The following PEX5L variants were observed in gnomAD, a reference collection of about 807,000 sequenced individuals.
PEX5L encodes the protein peroxisomal biogenesis factor 5 like, also known as PEX5-related protein.
Under a neutral mutation model 84.0 loss-of-function variants are expected in PEX5L, and 30 were observed. The ratio of observed to expected loss-of-function variants is 0.36; its 90% CI spans 0.27 to 0.48. The LOEUF (loss-of-function observed/expected upper bound fraction) is 0.48. PEX5L is among the 20% of genes least tolerant of loss of function. The pLI, the probability that PEX5L is intolerant of heterozygous loss-of-function variation, is 0.99. For missense variants in PEX5L, 533 were observed against 754.6 expected, an observed-to-expected ratio of 0.71 and a Z score of 3.44; for synonymous variants, 270 against 283.1, an observed-to-expected ratio of 0.95 and a Z score of 0.46.
intron 1 of PEX5L, chr3:179,973,108 T>TA (rs1785167129): frequency 2.7e-6 from 3 of 1,098,414 alleles, no homozygotes; most frequent in Non-Finnish European, 3.5e-6. Flanking sequence ...AGAGTGTCTC[T>TA]AATGTAAAAC....
At chr3:179,829,772 CTTTTT>C (rs55899128) in intron 8 of PEX5L, among the ~76,000 whole-genome samples, 16 of 120,942 alleles carry the variant, frequency 1.3e-4, no homozygotes, top group African/African-American at 4.1e-4. Context: ...CTTGCTATAT[CTTTTT>C]TTTTTTTTTT....
intron 7 of PEX5L, among the ~76,000 whole-genome samples, chr3:179,860,175 A>G (rs1745528479): frequency 6.6e-6 from 1 of 152,132 alleles, no homozygotes; most frequent in Admixed American, 6.5e-5. Flanking sequence ...CATGAGGATA[A>G]GAATCTTGTT....
chr3:179,974,485 T>C (rs1330840387), intron 1 of PEX5L, among the ~76,000 whole-genome samples: 1 of 152,132 alleles, frequency 6.6e-6, no homozygotes, highest in Non-Finnish European at 1.5e-5. Context: ...GCTAAAATGG[T>C]GAGGTCCTAA....
chr3:179,962,212 T>TGG (rs1782253260), intron 2 of PEX5L, among the ~76,000 whole-genome samples: 1 of 152,176 alleles, frequency 6.6e-6, no homozygotes, highest in Non-Finnish European at 1.5e-5. Flanking sequence ...CAAATGACTA[T>TGG]TCTGGTTTGA....
At chr3:179,907,118 T>C (rs780245862) in intron 2 of PEX5L, among the ~76,000 whole-genome samples, 8 of 152,154 alleles carry the variant, frequency 5.3e-5, no homozygotes, top group Non-Finnish European at 8.8e-5. Context: ...TCCCTTGGAT[T>C]CATATGATTA....
At chr3:179,985,849 C>T (rs1786764087) in intron 1 of PEX5L, among the ~76,000 whole-genome samples, 1 of 152,074 alleles carries the variant, frequency 6.6e-6, no homozygotes, top group Non-Finnish European at 1.5e-5. Flanking sequence ...CTGCTTCTGA[C>T]CCAGGCTTCC....
intron 2 of PEX5L, among the ~76,000 whole-genome samples, chr3:179,942,038 A>G (rs1776278967): frequency 6.8e-6 from 1 of 146,502 alleles, no homozygotes; most frequent in Admixed American, 6.8e-5. Flanking sequence ...AAAAAAAAAG[A>G]AGAAAAGAAA....
intron 1 of PEX5L, among the ~76,000 whole-genome samples, chr3:179,983,868 A>C (rs758705511): frequency 6.6e-6 from 1 of 152,080 alleles, no homozygotes; most frequent in Non-Finnish European, 1.5e-5. Context: ...GACATGAATG[A>C]AGTGTTTTTT....
intron 2 of PEX5L, among the ~76,000 whole-genome samples, chr3:179,936,118 C>T (rs150126466): frequency 6.6e-6 from 1 of 152,116 alleles, no homozygotes; most frequent in African/African-American, 2.4e-5. Flanking sequence ...TCATCGCAGT[C>T]CACTGTATGT....
At chr3:179,847,807 T>A (rs1740172999) in intron 8 of PEX5L, among the ~76,000 whole-genome samples, 1 of 152,080 alleles carries the variant, frequency 6.6e-6, no homozygotes. Context: ...GCTCAAGTGA[T>A]TCTCCCACCT....
intron 2 of PEX5L, chr3:179,900,637 C>G (rs1431222848): frequency 3.6e-5 from 50 of 1,403,256 alleles, no homozygotes; most frequent in Non-Finnish European, 4.5e-5. Context: ...TAAATACATG[C>G]GGTGCTTTTT....
At position 179,808,356 on chromosome 3, in the gene PEX5L, T is replaced by G. The variant is rs1268934874; in HGVS notation, c.1434A>C (p.Thr478=). 3 of 1,602,932 alleles carry G rather than the reference T, an allele frequency of 1.9e-6. No homozygotes were observed. The highest frequency in any genetic ancestry group is 2.6e-6 in the Non-Finnish European group (3 of 1,175,402). ...TCAGGTGGAACAGAACCCCTAGACC[T>G]GTCTGCAGGTCTGGGTCGATCATAT... ...NGDMIDPDLQ[T]GLGVLFHLSG... Residue 478 remains threonine (T), a synonymous_variant, in exon 13 of 15, where the codon ACA becomes ACC. Transcript: ENST00000467460.
At chr3:179,987,942 T>G (rs188390865) in intron 1 of PEX5L, among the ~76,000 whole-genome samples, 5 of 152,330 alleles carry the variant, frequency 3.3e-5, no homozygotes, top group African/African-American at 1.2e-4. Context: ...GATCACTTTT[T>G]TCTCATAGGG....
At chr3:179,912,532 A>T (rs529049898) in intron 2 of PEX5L, among the ~76,000 whole-genome samples, 8 of 152,206 alleles carry the variant, frequency 5.3e-5, no homozygotes, top group African/African-American at 1.9e-4. Flanking sequence ...TATTTATTTA[A>T]ATTAAACTTT....
intron 8 of PEX5L, among the ~76,000 whole-genome samples, chr3:179,852,881 C>G (rs1206820390): frequency 6.6e-6 from 1 of 152,182 alleles, no homozygotes; most frequent in Non-Finnish European, 1.5e-5. Flanking sequence ...GGGAAAAGTT[C>G]ATCCTTTGTT....
At position 179,905,138 on chromosome 3, in the gene PEX5L, G is replaced by A. The variant is rs150734175; in HGVS notation, c.94-6892C>T. ...CTAAAAGCCTGGACCCTTTAGACCT[G>A]AGGCAGAAAGCATTGGCAAGTAATA... is the stretch of plus-strand genomic sequence containing the variant. On this transcript the variant is annotated intron_variant, in intron 2 of 14. Coordinates refer to ENST00000467460, the MANE Select transcript of PEX5L (RefSeq NM_016559.3). 3.0e-3 allele frequency among the ~76,000 whole-genome samples: 463 copies of A among 152,260 alleles called. 2 individuals carry two copies. The highest frequency in any genetic ancestry group is 0.011 in the African/African-American group (449 of 41,558).
chr3:179,923,607 A>G (rs1770513764), intron 2 of PEX5L, among the ~76,000 whole-genome samples: 1 of 152,222 alleles, frequency 6.6e-6, no homozygotes, highest in Non-Finnish European at 1.5e-5. Context: ...TAACGTTTGA[A>G]AATCACGGGC....
At chr3:179,989,162 G>T (rs1787150620) in intron 1 of PEX5L, among the ~76,000 whole-genome samples, 1 of 152,100 alleles carries the variant, frequency 6.6e-6, no homozygotes, top group Admixed American at 6.5e-5. Flanking sequence ...ACCCACTATA[G>T]GCAGACAGGG....
At chr3:180,010,157 G>C (rs1789303992) in intron 1 of PEX5L, among the ~76,000 whole-genome samples, 1 of 151,798 alleles carries the variant, frequency 6.6e-6, no homozygotes, top group South Asian at 2.1e-4. Flanking sequence ...ATGTTAGCCA[G>C]GATGGTCTCA....
Sources: allele counts gnomAD v4.1 joint callset (sites outside exome capture counted in the v4.1 genomes callset), GRCh38; gene constraint gnomAD v4.1.1; transcripts MANE v1.5; gene names NCBI Gene and HGNC (gene_info 2026-07-23, HGNC 2026-07-21).